MID1: variants seen among roughly 807,000 people sequenced by gnomAD.
MID1 encodes the protein E3 ubiquitin-protein ligase Midline-1.
A neutral mutation model predicts 40.4 loss-of-function variants in MID1; 7 were observed. The ratio of observed to expected loss-of-function variants is 0.17; its 90% confidence interval spans 0.10 to 0.33. The LOEUF (loss-of-function observed/expected upper bound fraction) is 0.33, where lower values mean the gene tolerates loss of function less well. Among genes scored for constraint, MID1 ranks in the 10% least tolerant of loss-of-function variants. The pLI, the probability that MID1 is intolerant of heterozygous loss-of-function variation, is 1.00. For missense variants in MID1, 367 were observed against 558.5 expected, an observed-to-expected ratio of 0.66 and a Z score of 3.46; for synonymous variants, 229 against 221.2, an observed-to-expected ratio of 1.04 and a Z score of -0.31.
chrX:10,462,277 A>G (rs1929089758), intron 7 of MID1, among the ~76,000 whole-genome samples: 1 of 112,096 alleles, frequency 8.9e-6, no homozygotes, highest in African/African-American at 3.2e-5. Flanking sequence ...AGTTGATTAA[A>G]AATGCCAGGA....
At chrX:10,642,706 G>T (rs1190845536) in intron 1 of MID1, among the ~76,000 whole-genome samples, 1 of 110,305 alleles carries the variant, frequency 9.1e-6, no homozygotes, top group African/African-American at 3.4e-5. Context: ...ACATTGCTAA[G>T]ACAATCCTAA....
chrX:10,768,621 A>G (rs187327687), intron 1 of MID1, among the ~76,000 whole-genome samples: 1 of 111,451 alleles, frequency 9.0e-6, no homozygotes, highest in Non-Finnish European at 1.9e-5. Context: ...TTACCATTCA[A>G]CAGAATACAA....
intron 4 of MID1, among the ~76,000 whole-genome samples, chrX:10,483,208 C>T (rs1233990490): frequency 9.0e-6 from 1 of 111,718 alleles, no homozygotes; most frequent in Non-Finnish European, 1.9e-5. Context: ...AATATTTTTC[C>T]TGTTGAGCAG....
Position 10,565,800 on chromosome X carries a change from G to C in MID1, c.660+1088C>G, listed in dbSNP as rs757997743. 3.8e-5 allele frequency among the ~76,000 whole-genome samples: 4 copies of C among 104,849 alleles called. No homozygotes were observed. The South Asian group carries it at 1.7e-3, about 45-fold the overall frequency. The allele number at this position is 104,849 out of a possible 115,157, so 91.0% of individuals were successfully genotyped here. ...CCCTAGTGCTTTCTATCCATACTTA[G>C]AGAGTGATTTTTTTTTTTTTTTTTT... On this transcript the variant is annotated intron_variant, in intron 2 of 9. Transcript: ENST00000317552.
intron 4 of MID1, among the ~76,000 whole-genome samples, chrX:10,490,126 T>C (rs1281058543): frequency 8.9e-6 from 1 of 112,129 alleles, no homozygotes; most frequent in Non-Finnish European, 1.9e-5. Context: ...TACAGGTTGA[T>C]GTGGAAAGAA....
intron 7 of MID1, among the ~76,000 whole-genome samples, chrX:10,467,990 T>C (rs1001976080): frequency 2.7e-5 from 3 of 111,680 alleles, no homozygotes; most frequent in African/African-American, 9.8e-5. Context: ...CTTGCTAAAA[T>C]GCACCCGCTT....
At chrX:10,531,739 A>G (rs1932980646) in intron 2 of MID1, among the ~76,000 whole-genome samples, 1 of 112,182 alleles carries the variant, frequency 8.9e-6, no homozygotes, top group Non-Finnish European at 1.9e-5. Context: ...GTATCTTAGT[A>G]TAGTTCTATT....
intron 1 of MID1, among the ~76,000 whole-genome samples, chrX:10,823,332 G>A (rs767927781): frequency 1.8e-5 from 2 of 110,970 alleles, no homozygotes; most frequent in African/African-American, 6.5e-5. Context: ...GGGGAGGTGG[G>A]GGGATGGAGA....
At chrX:10,564,481 G>A (rs768064505) in intron 2 of MID1, among the ~76,000 whole-genome samples, 2 of 111,719 alleles carry the variant, frequency 1.8e-5, no homozygotes, top group East Asian at 2.8e-4. Flanking sequence ...CTTATTGAAC[G>A]GCTGTAAATG....
chrX:10,489,483 A>G (rs1930809270), intron 4 of MID1, among the ~76,000 whole-genome samples: 1 of 112,296 alleles, frequency 8.9e-6, no homozygotes, highest in African/African-American at 3.2e-5. Flanking sequence ...GTTACTAAAA[A>G]GACAATCCTT....
intron 9 of MID1, among the ~76,000 whole-genome samples, chrX:10,451,312 G>T (rs947790933): frequency 9.0e-6 from 1 of 111,682 alleles, no homozygotes; most frequent in African/African-American, 3.3e-5. Context: ...TTAGAGGAGG[G>T]GAAACACGCT....
At chrX:10,584,479 AC>A (rs747361584) in intron 1 of MID1, among the ~76,000 whole-genome samples, 2 of 111,945 alleles carry the variant, frequency 1.8e-5, no homozygotes, top group East Asian at 5.7e-4. Flanking sequence ...CAGCTTTTGC[AC>A]CACTGGAAGA....
chrX:10,471,505 C>T (rs903188970), intron 6 of MID1, among the ~76,000 whole-genome samples: 1 of 112,076 alleles, frequency 8.9e-6, no homozygotes, highest in Non-Finnish European at 1.9e-5. Context: ...TCTACATAAC[C>T]TTTAAAGCAT....
At chrX:10,803,709 T>C (rs1044362016) in intron 1 of MID1, among the ~76,000 whole-genome samples, 2 of 111,961 alleles carry the variant, frequency 1.8e-5, no homozygotes, top group Non-Finnish European at 3.8e-5. Flanking sequence ...AGTTTGAATA[T>C]GATATGGCTA....
intron 1 of MID1, among the ~76,000 whole-genome samples, chrX:10,711,524 C>G (rs1361054060): frequency 4.5e-5 from 5 of 112,346 alleles, no homozygotes; most frequent in Non-Finnish European, 9.4e-5. Context: ...ACAATAGGAA[C>G]AGTTCAGGAA....
At chrX:10,807,046 C>G (rs2044053155) in intron 1 of MID1, among the ~76,000 whole-genome samples, 1 of 111,585 alleles carries the variant, frequency 9.0e-6, no homozygotes, top group Non-Finnish European at 1.9e-5. Flanking sequence ...GAGTTCAAGA[C>G]TAACCTGGCC....
At chrX:10,672,465 G>C (rs1260362822) in intron 1 of MID1, among the ~76,000 whole-genome samples, 1 of 110,835 alleles carries the variant, frequency 9.0e-6, no homozygotes, top group Non-Finnish European at 1.9e-5. Context: ...AATTGCACAG[G>C]TCCTTATAGT....
chrX:10,461,138 T>TATACACACACACACAC (rs1929010057), intron 7 of MID1, among the ~76,000 whole-genome samples: 2 of 96,812 alleles, frequency 2.1e-5, no homozygotes, highest in African/African-American at 7.8e-5. Flanking sequence ...TATCTAAAGA[T>TATACACACACACACAC]ACACACACAC....
intron 1 of MID1, among the ~76,000 whole-genome samples, chrX:10,710,954 A>G (rs2043263277): frequency 1.8e-5 from 2 of 111,747 alleles, no homozygotes; most frequent in South Asian, 7.6e-4. Flanking sequence ...TGTGGGAGAC[A>G]GAAACCGGCC....
Sources: gnomAD v4.1 joint callset for allele counts (sites outside exome capture counted in the v4.1 genomes callset) on GRCh38, gnomAD v4.1.1 for gene constraint, MANE v1.5 for transcripts, NCBI Gene and HGNC (gene_info 2026-07-23, HGNC 2026-07-21) for gene names.